Variants in ANKRD20A1 observed in about 807,000 individuals in gnomAD.
ANKRD20A1 encodes ankyrin repeat domain-containing protein 20A1.
A neutral mutation model predicts 50.9 loss-of-function variants in ANKRD20A1; 2 were observed. The observed-to-expected ratio is 0.04, with a 90% CI of 0.02 to 0.12. ANKRD20A1 has a LOEUF of 0.12. Among genes scored for constraint, ANKRD20A1 ranks in the 10% least tolerant of loss-of-function variants. ANKRD20A1 has a pLI of 1.00. For missense variants in ANKRD20A1, 31 were observed against 548.1 expected, an observed-to-expected ratio of 0.06 and a Z score of 9.42; for synonymous variants, 10 against 186.2, an observed-to-expected ratio of 0.05 and a Z score of 7.70.
At chr9:67,871,851 T>C (rs1827654741) in intron 6 of ANKRD20A1, among the ~76,000 whole-genome samples, 1 of 143,458 alleles carries the variant, frequency 7.0e-6, no homozygotes, top group African/African-American at 2.6e-5. Flanking sequence ...GTTCGTACAA[T>C]AAAATAAGCT....
chr9:67,896,412 T>C lies in ANKRD20A1; in HGVS notation c.1153-1147T>C, dbSNP rs545134094. 3.3e-5 allele frequency among the ~76,000 whole-genome samples: 3 copies of C among 92,016 alleles called. 1 individual carries two copies. In the South Asian group the frequency reaches 1.1e-3, roughly 34 times the overall value. The allele number at this position is 92,016 out of a possible 152,430, so 60.4% of individuals were successfully genotyped here. On this transcript the variant is annotated intron_variant, in intron 12 of 14. Coordinates refer to ENST00000562196, the MANE Select transcript of ANKRD20A1 (RefSeq NM_032250.5). Reference sequence around the variant, plus strand: ...CACATATTTTAAAAAATCACCACTCTGCAATATTTCTGTTGAATCAGACCT... The same window carrying C: ...CACATATTTTAAAAAATCACCACTCCGCAATATTTCTGTTGAATCAGACCT...
intron 11 of ANKRD20A1, among the ~76,000 whole-genome samples, chr9:67,890,611 T>C (rs879617369): frequency 0.1 from 9,877 of 95,564 alleles, no homozygotes; most frequent in South Asian, 0.18. Context: ...TGGATAATCA[T>C]GCACTATGAG....
chr9:67,900,635 A>AGATATTT lies in ANKRD20A1; in HGVS notation c.1640_1641insGATATTT (p.Val549PhefsTer4), dbSNP rs1304667499. 9.5e-7 allele frequency: 1 copy of AGATATTT among 1,050,756 alleles called. No homozygotes were observed. Among genetic ancestry groups the AGATATTT allele is most frequent in the African/African-American group, 1.7e-5 (1 of 57,380 alleles). The allele number at this position is 1,050,756 out of a possible 1,614,324, so 65.1% of individuals were successfully genotyped here. A position where few individuals can be genotyped will look rare whatever the true frequency, so the allele number is the denominator to read the frequency against. On this transcript the variant is annotated frameshift_variant, in exon 15 of 15. Coordinates refer to ENST00000562196, the MANE Select transcript of ANKRD20A1 (RefSeq NM_032250.5). LOFTEE classifies it high-confidence loss of function. The stretch of plus-strand genomic sequence containing the variant: ...GAAAATAAATATCTTAAGGACATTA[A>AGATATTT]AATTGTTAAAGAAACAAATGCTGCC...
At chr9:67,866,261 GT>G (rs1397620025) in intron 3 of ANKRD20A1, among the ~76,000 whole-genome samples, 1 of 150,312 alleles carries the variant, frequency 6.7e-6, no homozygotes, top group Admixed American at 6.7e-5. Flanking sequence ...GATTTAAAAA[GT>G]AGAGCTGCAC....
rs1318983451 is a variant in ANKRD20A1 at position 67,881,213 on chromosome 9, A to T, written c.894+668A>T. On this transcript the variant is annotated intron_variant, in intron 8 of 14. Transcript: ENST00000562196. ...AAGATTGCTTGAACCCAGGAGTTTGAGAACAGCCTGGGCAACATCGTATCT... is the reference window on the plus strand; with the variant it reads ...AAGATTGCTTGAACCCAGGAGTTTGTGAACAGCCTGGGCAACATCGTATCT... Among the ~76,000 whole-genome samples the T allele has an allele frequency of 2.1e-5, 3 of 146,018 alleles. No homozygotes were observed. In the East Asian group the frequency reaches 6.5e-4, roughly 32 times the overall value.
intron 8 of ANKRD20A1, among the ~76,000 whole-genome samples, chr9:67,882,921 A>C (rs1285153075): frequency 1.3e-5 from 2 of 151,154 alleles, no homozygotes; most frequent in Admixed American, 6.7e-5. Flanking sequence ...TTTGCTCAGA[A>C]CGATGGTTTC....
chr9:67,859,992 A>G (rs1195185133), intron 1 of ANKRD20A1, among the ~76,000 whole-genome samples: 1 of 18,816 alleles, frequency 5.3e-5, no homozygotes, highest in African/African-American at 2.3e-4. Flanking sequence ...TATTTACTAT[A>G]TTATATATAT....
intron 9 of ANKRD20A1, among the ~76,000 whole-genome samples, chr9:67,886,039 G>GA (rs1827878675): frequency 1.5e-5 from 2 of 133,374 alleles, no homozygotes; most frequent in African/African-American, 5.6e-5. Context: ...GAATACAGAT[G>GA]AAAAAAGTGG....
At chr9:67,870,279 TG>T (rs1413711792) in intron 5 of ANKRD20A1, among the ~76,000 whole-genome samples, 2 of 14,538 alleles carry the variant, frequency 1.4e-4, no homozygotes, top group African/African-American at 1.6e-4. Flanking sequence ...ATTTCCTTCA[TG>T]GAACTGAAAA....
chr9:67,860,700 AG>A lies in ANKRD20A1; in HGVS notation c.203+1072del, dbSNP rs1178809460. On this transcript the variant is annotated intron_variant, in intron 1 of 14. Transcript: ENST00000562196. The stretch of plus-strand genomic sequence containing the variant: ...TCAAAGTACTCATTTGAAAATGGTA[AG>A]TACTACATTTAAAAAATGTGTATGC... 4 of 31,636 alleles carry A rather than the reference AG, an allele frequency of 1.3e-4. 2 individuals carry two copies. Among genetic ancestry groups the A allele is most frequent in the Non-Finnish European group, 2.4e-4 (4 of 16,780 alleles). 2.0% of individuals were successfully genotyped at this position (31,636 alleles called of 1,614,324 possible).
At chr9:67,884,754 G>T (rs1261022201) in intron 9 of ANKRD20A1, among the ~76,000 whole-genome samples, 184 bp downstream of exon 9, 19 of 150,884 alleles carry the variant, frequency 1.3e-4, no homozygotes, top group African/African-American at 4.1e-4. Flanking sequence ...GCCAGGTGTT[G>T]TTGTGGGCGC....
In ANKRD20A1 at chr9:67,859,333, C is replaced by A. The variant is rs1314257213; in HGVS notation, c.-94C>A. ...TTGGATAGGGGATTTGGGGCTGGGT[C>A]GGCCGGGGTCGGGGAGGGGGGTGGT... On this transcript the variant is annotated 5_prime_UTR_variant, in exon 1 of 15. Transcript: ENST00000562196. The A allele has an allele frequency of 4.6e-6, 2 of 434,714 alleles. No homozygotes were observed. The highest frequency in any genetic ancestry group is 6.5e-6 in the Non-Finnish European group (2 of 307,818). 26.9% of individuals were successfully genotyped at this position (434,714 alleles called of 1,614,324 possible).
At chr9:67,867,572 CTCTTA>C (rs1484108587) in intron 4 of ANKRD20A1, among the ~76,000 whole-genome samples, 189 bp downstream of exon 4, 3 of 152,272 alleles carry the variant, frequency 2.0e-5, no homozygotes, top group Non-Finnish European at 4.4e-5. Flanking sequence ...GATTCATCTT[CTCTTA>C]TAATATACAG....
chr9:67,884,876 C>T (rs535261564), intron 9 of ANKRD20A1, among the ~76,000 whole-genome samples: 24 of 150,610 alleles, frequency 1.6e-4, no homozygotes, highest in African/African-American at 5.1e-4. Flanking sequence ...GGCGACAGAG[C>T]GAGACTCCGT....
chr9:67,891,142 A>G (rs1238923321), intron 11 of ANKRD20A1, among the ~76,000 whole-genome samples: 2 of 86,040 alleles, frequency 2.3e-5, no homozygotes, highest in Admixed American at 3.2e-4. Context: ...TAAAAACACA[A>G]AATTAGCTGG....
In ANKRD20A1 at chr9:67,872,623, A is replaced by G. The variant is rs558796940; in HGVS notation, c.793+1411A>G. 2.2e-4 allele frequency among the ~76,000 whole-genome samples: 30 copies of G among 139,294 alleles called. 3 individuals carry two copies. The highest frequency in any genetic ancestry group is 9.5e-4 in the South Asian group (4 of 4,200). The allele number at this position is 139,294 out of a possible 152,430, so 91.4% of individuals were successfully genotyped here. ...GTGGTAGACTATAATAGTATATTCA[A>G]TAGTCATATGTTTTTCTCCAGTTAT... On this transcript the variant is annotated intron_variant, in intron 6 of 14. Transcript: ENST00000562196.
At chr9:67,881,364 A>C in intron 8 of ANKRD20A1, among the ~76,000 whole-genome samples, 1 of 149,478 alleles carries the variant, frequency 6.7e-6, no homozygotes. Context: ...CACTTCATCT[A>C]ATTGAATAAC....
chr9:67,882,674 C>T (rs1264215188), intron 8 of ANKRD20A1, among the ~76,000 whole-genome samples: 2 of 125,464 alleles, frequency 1.6e-5, no homozygotes, highest in African/African-American at 5.4e-5. Context: ...TTCTAGGGTA[C>T]ATGTGCACAA....
intron 8 of ANKRD20A1, among the ~76,000 whole-genome samples, chr9:67,881,658 G>A (rs1827798606): frequency 6.6e-6 from 1 of 152,272 alleles, no homozygotes; most frequent in Admixed American, 6.5e-5. Flanking sequence ...AACCAGGCGT[G>A]ATGGTGCATG....
Sources: allele counts gnomAD v4.1 joint callset (sites outside exome capture counted in the v4.1 genomes callset), GRCh38; gene constraint gnomAD v4.1.1; transcripts MANE v1.5; gene names NCBI Gene and HGNC (gene_info 2026-07-23, HGNC 2026-07-21).